Variants in SPRY1 observed in about 807,000 individuals in gnomAD.
SPRY1 encodes the protein sprouty RTK signaling antagonist 1, also known as protein sprouty homolog 1.
SPRY1 carries 20 observed loss-of-function variants against 22.6 expected under a neutral mutation model. That is an observed-to-expected ratio of 0.89 (90% CI 0.62 to 1.29). SPRY1 has a LOEUF of 1.29. Ranked by LOEUF, SPRY1 falls within the 50% of genes most tolerant of loss-of-function variation. The probability of loss-of-function intolerance (pLI) is 0.00; values close to 1 mark genes in which losing one functional copy is unlikely to be tolerated. For missense variants in SPRY1, 446 were observed against 387.7 expected, an observed-to-expected ratio of 1.15 and a Z score of -1.26; for synonymous variants, 155 against 144.7, an observed-to-expected ratio of 1.07 and a Z score of -0.51.
Position 123,403,534 on chromosome 4 carries a change from T to C in SPRY1, c.*983T>C, listed in dbSNP as rs1178981882. ...TATATTTTATGTATAAATCACAAAG[T>C]TGAATTCTGACTATTTTTAAGACAA... is the stretch of plus-strand genomic sequence containing the variant. On this transcript the variant is annotated 3_prime_UTR_variant, in exon 3 of 3. Coordinates refer to ENST00000651917, the MANE Select transcript of SPRY1 (RefSeq NM_001258038.2). 1.2e-5 allele frequency: 2 copies of C among 167,020 alleles called. No individual in the cohort carries two copies. Among genetic ancestry groups the C allele is most frequent in the East Asian group, 3.8e-4 (2 of 5,200 alleles). The allele number at this position is 167,020 out of a possible 1,614,324, so 10.3% of individuals were successfully genotyped here.
In SPRY1 at chr4:123,402,253, G is replaced by A. The variant is rs777739648; in HGVS notation, c.662G>A (p.Cys221Tyr). Residue 221 changes from cysteine (C) to tyrosine (Y), a missense_variant, in exon 3 of 3, where the codon TGC (cysteine) becomes TAC (tyrosine). Coordinates refer to ENST00000651917, the MANE Select transcript of SPRY1 (RefSeq NM_001258038.2). ...GAGAGCATGGTGGAATATGGAACCT[G>A]CATGTGCTTAGTCAAGGGCATCTTC... The part of the protein sequence containing the change: ...SAESMVEYGT[C>Y]MCLVKGIFYH... The A allele has an allele frequency of 1.9e-6, 3 of 1,614,222 alleles. No homozygotes were observed. Among genetic ancestry groups the A allele is most frequent in the Non-Finnish European group, 2.5e-6 (3 of 1,180,044 alleles).
At chr4:123,401,402 C>A in intron 2 of SPRY1, 135 bp from the exon 3 acceptor site, 1 of 709,900 alleles carries the variant, frequency 1.4e-6, no homozygotes, top group Non-Finnish European at 2.3e-6. Flanking sequence ...ACCCCAGCAT[C>A]ATTGTAATCC....
chr4:123,397,347 C>G (rs1171291251), intron 1 of SPRY1, among the ~76,000 whole-genome samples: 1 of 152,186 alleles, frequency 6.6e-6, no homozygotes, highest in Non-Finnish European at 1.5e-5. Context: ...TGATTCCTAA[C>G]GCGCAGAGGC....
Position 123,401,952 on chromosome 4 carries a change from G to T in SPRY1, c.361G>T (p.Ala121Ser). 6.2e-7 allele frequency: 1 copy of T among 1,614,206 alleles called. No homozygotes were observed. Among genetic ancestry groups the T allele is most frequent in the East Asian group, 2.2e-5 (1 of 44,886 alleles). ...CAGATCAACCAGCACTGGAAGTGCAGCCAGCTCTGGGAGCAACAGCAGTGC... is the reference window on the plus strand; with the variant it reads ...CAGATCAACCAGCACTGGAAGTGCATCCAGCTCTGGGAGCAACAGCAGTGC... ...LSRSTSTGSAASSGSNSSASS... is the reference protein window; with the variant it reads ...LSRSTSTGSASSSGSNSSASS... Residue 121 changes from alanine to serine, a missense_variant, in exon 3 of 3, where the codon GCC (alanine) becomes TCC (serine). By Grantham distance (99) the Ala-to-Ser change is moderately conservative. Coordinates refer to ENST00000651917, the MANE Select transcript of SPRY1 (RefSeq NM_001258038.2).
intron 2 of SPRY1, chr4:123,399,811 C>T (rs1725076876): frequency 6.6e-6 from 1 of 152,226 alleles, no homozygotes; most frequent in African/African-American, 2.4e-5. Flanking sequence ...TACTTCCATT[C>T]GCGTTTTCTT....
At position 123,402,835 on chromosome 4, in the gene SPRY1, A is replaced by C; in HGVS notation, c.*284A>C. 1 of 519,106 alleles carries C rather than the reference A, an allele frequency of 1.9e-6. No individual in the cohort carries two copies. The highest frequency in any genetic ancestry group is 3.5e-6 in the Non-Finnish European group (1 of 289,452). 32.2% of individuals were successfully genotyped at this position (519,106 alleles called of 1,614,324 possible). On this transcript the variant is annotated 3_prime_UTR_variant, in exon 3 of 3. Coordinates refer to ENST00000651917, the MANE Select transcript of SPRY1 (RefSeq NM_001258038.2). ...CTTTTGTGTAGCCTTTTTGTTCTGC[A>C]AGCAACTTTCTAAAGTTGTGTACAT...
In SPRY1 at chr4:123,402,702, C is replaced by T. The variant is rs1440487929; in HGVS notation, c.*151C>T. The T allele has an allele frequency of 9.8e-7, 1 of 1,022,214 alleles. No homozygotes were observed. Among genetic ancestry groups the T allele is most frequent in the Admixed American group, 2.9e-5 (1 of 34,190 alleles). 63.3% of individuals were successfully genotyped at this position (1,022,214 alleles called of 1,614,324 possible). A position where few individuals can be genotyped will look rare whatever the true frequency, so the allele number is the denominator to read the frequency against. On this transcript the variant is annotated 3_prime_UTR_variant, in exon 3 of 3. Coordinates refer to ENST00000651917, the MANE Select transcript of SPRY1 (RefSeq NM_001258038.2). Reference sequence around the variant, plus strand: ...CAAGGTCTAACTCATGGATTTTTCTCTTTCCTCATGGATGATCTTCAGCAA... The same window carrying T: ...CAAGGTCTAACTCATGGATTTTTCTTTTTCCTCATGGATGATCTTCAGCAA...
At chr4:123,398,738 G>A (rs540788624) in intron 2 of SPRY1, among the ~76,000 whole-genome samples, 2 of 152,252 alleles carry the variant, frequency 1.3e-5, no homozygotes, top group East Asian at 3.9e-4. Context: ...CGGGGTGGGC[G>A]ACGGTCTGCG....
rs1234883127 is a variant in SPRY1, at chr4:123,403,559, A to G, written c.*1008A>G. ...TTGAATTCTGACTATTTTTAAGACA[A>G]AAGTCTGTTAAACTTTTTTATTGTA... On this transcript the variant is annotated 3_prime_UTR_variant, in exon 3 of 3. Transcript: ENST00000651917. The G allele has an allele frequency of 1.2e-5, 2 of 167,078 alleles. No individual in the cohort carries two copies. Among genetic ancestry groups the G allele is most frequent in the Non-Finnish European group, 2.9e-5 (2 of 68,126 alleles). 10.3% of individuals were successfully genotyped at this position (167,078 alleles called of 1,614,324 possible). A position where few individuals can be genotyped will look rare whatever the true frequency, so the allele number is the denominator to read the frequency against.
At chr4:123,400,005 A>G (rs982350906) in intron 2 of SPRY1, 1 of 152,202 alleles carries the variant, frequency 6.6e-6, no homozygotes, top group Non-Finnish European at 1.5e-5. Context: ...GGAAATGCAA[A>G]TTGAAGTTGT....
At chr4:123,401,307 A>T (rs762078907) in intron 2 of SPRY1, among the ~76,000 whole-genome samples, 5 of 152,198 alleles carry the variant, frequency 3.3e-5, no homozygotes, top group Non-Finnish European at 7.3e-5. Context: ...AAAAACTTAT[A>T]ATGTTCATGG....
In SPRY1 at chr4:123,403,004, C is replaced by G. The variant is rs868289120; in HGVS notation, c.*453C>G. 9 of 415,236 alleles carry G rather than the reference C, an allele frequency of 2.2e-5. No homozygotes were observed. The highest frequency in any genetic ancestry group is 1.9e-4 in the African/African-American group (9 of 48,584). The allele number at this position is 415,236 out of a possible 1,614,324, so 25.7% of individuals were successfully genotyped here. ...TAAATCTGTCTCCAGTTAGGGCTAT[C>G]TTCCTAGCATAGGCCCCTTAAGTAG... On this transcript the variant is annotated 3_prime_UTR_variant, in exon 3 of 3. Transcript: ENST00000651917.
rs1476389799 is a variant in SPRY1, at chr4:123,397,755, CG to C, written c.-153del. 1.3e-5 allele frequency: 2 copies of C among 150,630 alleles called. No homozygotes were observed. The highest frequency in any genetic ancestry group is 2.5e-5 in the African/African-American group (1 of 40,794). 9.3% of individuals were successfully genotyped at this position (150,630 alleles called of 1,614,324 possible). A position where few individuals can be genotyped will look rare whatever the true frequency, so the allele number is the denominator to read the frequency against. On this transcript the variant is annotated 5_prime_UTR_variant, in exon 2 of 3. Coordinates refer to ENST00000651917, the MANE Select transcript of SPRY1 (RefSeq NM_001258038.2). ...AATCGGCTAAGCGCGTCGGCCTGCGCGGGGCACAAGGGACGACGCCCGCCTT... is the reference window on the plus strand; with the variant it reads ...AATCGGCTAAGCGCGTCGGCCTGCGCGGGCACAAGGGACGACGCCCGCCTT...
chr4:123,399,894 G>A (rs1422621806), intron 2 of SPRY1: 1 of 152,200 alleles, frequency 6.6e-6, no homozygotes, highest in African/African-American at 2.4e-5. Flanking sequence ...TTGAAAATGG[G>A]CTTTTCTTCG....
At chr4:123,400,435 C>T (rs1725099365) in intron 2 of SPRY1, 2 of 152,178 alleles carry the variant, frequency 1.3e-5, no homozygotes, top group Admixed American at 6.5e-5. Context: ...ATTGGGTCGA[C>T]TCTGTAGACT....
At chr4:123,399,693 T>G (rs1033169849) in intron 2 of SPRY1, 1 of 152,298 alleles carries the variant, frequency 6.6e-6, no homozygotes, top group Non-Finnish European at 1.5e-5. Context: ...GCGTGGACGC[T>G]GAAGGCTCTT....
Position 123,400,731 on chromosome 4 carries a change from TA to T in SPRY1, c.-55-803del, listed in dbSNP as rs557178387. ...CTGCCAGGATTTCCCTACACTGCGT[TA>T]AAGGCCTCACACTTATTTGTGCATA... is the stretch of plus-strand genomic sequence containing the variant. On this transcript the variant is annotated intron_variant, in intron 2 of 2. Coordinates refer to ENST00000651917, the MANE Select transcript of SPRY1 (RefSeq NM_001258038.2). Among the ~76,000 whole-genome samples the T allele has an allele frequency of 2.0e-3, 302 of 152,340 alleles. 2 individuals carry two copies. The highest frequency in any genetic ancestry group is 6.4e-3 in the African/African-American group (268 of 41,580).
In SPRY1 at chr4:123,402,870, C is replaced by G. The variant is rs1263282135; in HGVS notation, c.*319C>G. On this transcript the variant is annotated 3_prime_UTR_variant, in exon 3 of 3. Transcript: ENST00000651917. The stretch of plus-strand genomic sequence containing the variant: ...CTAAAGTTGTGTACATGAACATACA[C>G]CCACATCCAGACTACAGTGATTTAG... The G allele has an allele frequency of 2.4e-4, 116 of 481,080 alleles. No individual in the cohort carries two copies. Among genetic ancestry groups the G allele is most frequent in the Non-Finnish European group, 3.8e-5 (10 of 266,546 alleles). 29.8% of individuals were successfully genotyped at this position (481,080 alleles called of 1,614,324 possible).
At chr4:123,398,228 G>A (rs1245619795) in intron 2 of SPRY1, 1 of 152,170 alleles carries the variant, frequency 6.6e-6, no homozygotes, top group African/African-American at 2.4e-5. Context: ...AAGACCTCCC[G>A]AGGTGGATGT....
Sources: gnomAD v4.1 joint callset for allele counts (sites outside exome capture counted in the v4.1 genomes callset) on GRCh38, gnomAD v4.1.1 for gene constraint, MANE v1.5 for transcripts, NCBI Gene and HGNC (gene_info 2026-07-23, HGNC 2026-07-21) for gene names.